Variants in MAPK4 observed in about 807,000 individuals in gnomAD.
The protein encoded by MAPK4 is Erk3-related.
A neutral mutation model predicts 47.7 loss-of-function variants in MAPK4; 22 were observed. The observed-to-expected ratio is 0.46, with a 90% confidence interval of 0.33 to 0.66. The LOEUF (loss-of-function observed/expected upper bound fraction) is 0.66, where lower values mean the gene tolerates loss of function less well. MAPK4 is among the 30% of genes least tolerant of loss of function. The pLI, the probability that MAPK4 is intolerant of heterozygous loss-of-function variation, is 0.02. For synonymous variants in MAPK4, 390 were observed against 365.7 expected, an observed-to-expected ratio of 1.07 and a Z score of -0.76; for missense variants, 736 against 831.7, an observed-to-expected ratio of 0.88 and a Z score of 1.42.
At chr18:50,654,187 A>G (rs1231345700) in intron 1 of MAPK4, among the ~76,000 whole-genome samples, 1 of 152,238 alleles carries the variant, frequency 6.6e-6, no homozygotes, top group East Asian at 1.9e-4. Flanking sequence ...TGCAGGTAGA[A>G]AGTAAGTGGT....
chr18:50,715,255 A>G, intron 3 of MAPK4, 32 bp downstream of exon 3: 20 of 1,600,160 alleles, frequency 1.2e-5, no homozygotes, highest in Non-Finnish European at 1.7e-5. Context: ...CTTCCTTCTC[A>G]TCTGGCGTCG....
Position 50,729,669 on chromosome 18 carries a change from GCCC to G in MAPK4, c.1581_1583del (p.Pro528del). The stretch of plus-strand genomic sequence containing the variant: ...GTCTGCCTCGCCCCCCGGCCGCCCG[GCCC>G]CGGTGGACGGCGGCGCCAGCCCCCA... On this transcript the variant is annotated inframe_deletion, in exon 6 of 6. Transcript: ENST00000400384. 1 of 1,520,420 alleles carries G rather than the reference GCCC, an allele frequency of 6.6e-7. No homozygotes were observed. The highest frequency in any genetic ancestry group is 8.9e-7 in the Non-Finnish European group (1 of 1,127,730). The allele number at this position is 1,520,420 out of a possible 1,614,324, so 94.2% of individuals were successfully genotyped here.
intron 2 of MAPK4, among the ~76,000 whole-genome samples, chr18:50,702,161 C>CAAAAAAAAAA (rs36001271): frequency 1.0e-5 from 1 of 95,926 alleles, no homozygotes; most frequent in Non-Finnish European, 1.9e-5. Context: ...GATTCTGTCT[C>CAAAAAAAAAA]AAAAAAAAAA....
intron 1 of MAPK4, among the ~76,000 whole-genome samples, chr18:50,606,617 C>A (rs1310654597): frequency 6.6e-6 from 1 of 152,142 alleles, no homozygotes; most frequent in East Asian, 1.9e-4. Flanking sequence ...ACTGTGTGAC[C>A]TACCTAAACC....
intron 1 of MAPK4, among the ~76,000 whole-genome samples, chr18:50,608,350 G>T (rs2042600457): frequency 6.6e-6 from 1 of 152,204 alleles, no homozygotes; most frequent in African/African-American, 2.4e-5. Context: ...CCATGTGATA[G>T]CAAGTCAGTG....
At chr18:50,577,155 A>C (rs2042304888) in intron 1 of MAPK4, among the ~76,000 whole-genome samples, 1 of 152,162 alleles carries the variant, frequency 6.6e-6, no homozygotes, top group East Asian at 1.9e-4. Context: ...TGGAATTTTA[A>C]AAAGATGATT....
rs118018684 is a variant in MAPK4, at chr18:50,713,448, G to A, written c.547-1631G>A. Among the ~76,000 whole-genome samples the A allele has an allele frequency of 2.3e-3, 356 of 152,316 alleles. 20 individuals carry two copies. The East Asian group carries it at 0.058, about 25-fold the overall frequency. ...AGGATCAGTGGTCCCTGCAGAAGGTGCCTAAATTTGGGAGGAGGTTCAGAC... is the reference window on the plus strand; with the variant it reads ...AGGATCAGTGGTCCCTGCAGAAGGTACCTAAATTTGGGAGGAGGTTCAGAC... On this transcript the variant is annotated intron_variant, in intron 2 of 5. Transcript: ENST00000400384.
intron 2 of MAPK4, among the ~76,000 whole-genome samples, chr18:50,710,858 C>T (rs1278002258): frequency 6.6e-6 from 1 of 152,138 alleles, no homozygotes; most frequent in Non-Finnish European, 1.5e-5. Flanking sequence ...TTAGTAGGCA[C>T]ATTATCATTA....
At chr18:50,692,794 G>A (rs967029692) in intron 2 of MAPK4, among the ~76,000 whole-genome samples, 12 of 152,058 alleles carry the variant, frequency 7.9e-5, no homozygotes, top group East Asian at 1.9e-4. Flanking sequence ...AGCTTTGATC[G>A]TGTCCTTTTA....
At chr18:50,690,099 C>A (rs1909127364) in intron 2 of MAPK4, among the ~76,000 whole-genome samples, 1 of 152,112 alleles carries the variant, frequency 6.6e-6, no homozygotes, top group Non-Finnish European at 1.5e-5. Flanking sequence ...AGCTAGAGCC[C>A]CAGAAGGCTT....
At chr18:50,708,149 G>A (rs1910157654) in intron 2 of MAPK4, among the ~76,000 whole-genome samples, 1 of 152,086 alleles carries the variant, frequency 6.6e-6, no homozygotes, top group African/African-American at 2.4e-5. Context: ...AATGGAATGA[G>A]TTTGCTATTT....
chr18:50,577,137 A>G (rs2042304614), intron 1 of MAPK4, among the ~76,000 whole-genome samples: 2 of 152,120 alleles, frequency 1.3e-5, no homozygotes, highest in African/African-American at 4.8e-5. Context: ...GGGGTCTAGC[A>G]TGAGGTTTGG....
At chr18:50,577,778 C>G (rs528478563) in intron 1 of MAPK4, among the ~76,000 whole-genome samples, 35 of 152,286 alleles carry the variant, frequency 2.3e-4, no homozygotes, top group African/African-American at 8.2e-4. Flanking sequence ...CTAATAAATT[C>G]AGCTCACGAC....
intron 2 of MAPK4, among the ~76,000 whole-genome samples, chr18:50,665,397 C>G (rs878996): frequency 0.67 from 101,525 of 152,164 alleles, 34,405 homozygotes; most frequent in African/African-American, 0.8. Flanking sequence ...TGGGGGCTGG[C>G]TGTGGCTTCC....
At chr18:50,568,823 C>T (rs1172822371) in intron 1 of MAPK4, among the ~76,000 whole-genome samples, 1 of 152,214 alleles carries the variant, frequency 6.6e-6, no homozygotes, top group Non-Finnish European at 1.5e-5. Context: ...ATCTCTTCAG[C>T]TGTATCTAAT....
chr18:50,634,893 G>A (rs766044737), intron 1 of MAPK4, among the ~76,000 whole-genome samples: 33 of 152,260 alleles, frequency 2.2e-4, no homozygotes, highest in Admixed American at 1.2e-3. Context: ...ACACTCCAGA[G>A]CAGTGGTGCT....
At chr18:50,561,272 C>T (rs1487104845) in intron 1 of MAPK4, among the ~76,000 whole-genome samples, 2 of 152,362 alleles carry the variant, frequency 1.3e-5, no homozygotes, top group East Asian at 3.9e-4. Context: ...TCACCCCTGC[C>T]TGGGTTGAGG....
chr18:50,615,181 G>A (rs1450522529), intron 1 of MAPK4, among the ~76,000 whole-genome samples: 1 of 152,144 alleles, frequency 6.6e-6, no homozygotes, highest in East Asian at 1.9e-4. Context: ...GGGTGCTCAT[G>A]TGTTCTTTCA....
chr18:50,655,474 A>G (rs1598873791), intron 1 of MAPK4, among the ~76,000 whole-genome samples: 2 of 152,164 alleles, frequency 1.3e-5, no homozygotes, highest in African/African-American at 4.8e-5. Context: ...CCATCTGCCC[A>G]TATATCAGGG....
Sources: allele counts gnomAD v4.1 joint callset (sites outside exome capture counted in the v4.1 genomes callset), GRCh38; gene constraint gnomAD v4.1.1; transcripts MANE v1.5; gene names NCBI Gene and HGNC (gene_info 2026-07-23, HGNC 2026-07-21).